The following ATP10D variants were observed in gnomAD, a reference collection of about 807,000 sequenced individuals.
The protein encoded by ATP10D is ATPase phospholipid transporting 10D (putative), also known as phospholipid-transporting ATPase VD.
Under a neutral mutation model 144.8 loss-of-function variants are expected in ATP10D, and 89 were observed. That is an observed-to-expected ratio of 0.61 (90% CI 0.52 to 0.73). The LOEUF (loss-of-function observed/expected upper bound fraction) is 0.73, where lower values mean the gene tolerates loss of function less well. Among genes scored for constraint, ATP10D ranks in the 30% least tolerant of loss-of-function variants. ATP10D has a pLI of 0.00. For synonymous variants in ATP10D, 571 were observed against 615.1 expected (o/e 0.93, Z 1.06); for missense variants, 1,603 against 1,714.8 (o/e 0.93, Z 1.15).
At chr4:47,518,905 T>C (rs1716812070) in intron 3 of ATP10D, among the ~76,000 whole-genome samples, 1 of 152,200 alleles carries the variant, frequency 6.6e-6, no homozygotes, top group Non-Finnish European at 1.5e-5. Context: ...AAGAGCTGTG[T>C]AACATTGAAC....
intron 5 of ATP10D, 120 bp downstream of exon 5, chr4:47,525,762 T>C: frequency 1.3e-6 from 1 of 755,372 alleles, no homozygotes; most frequent in Admixed American, 2.7e-5. Context: ...GTCGTAACTT[T>C]AGCCACCTAC....
chr4:47,580,678 C>A (rs1720465915), intron 20 of ATP10D, among the ~76,000 whole-genome samples, 200 bp downstream of exon 20: 1 of 152,142 alleles, frequency 6.6e-6, no homozygotes, highest in South Asian at 2.1e-4. Context: ...TTTGAGTCCT[C>A]TTAGGCCTCT....
At chr4:47,518,863 T>G (rs1282183142) in intron 3 of ATP10D, among the ~76,000 whole-genome samples, 1 of 152,212 alleles carries the variant, frequency 6.6e-6, no homozygotes, top group African/African-American at 2.4e-5. Flanking sequence ...ACTCTGGATA[T>G]ACCTGCCTTG....
At chr4:47,578,355 C>A (rs541852823) in intron 19 of ATP10D, 15 of 152,328 alleles carry the variant, frequency 9.8e-5, no homozygotes, top group African/African-American at 3.6e-4. Flanking sequence ...TCAGAAGCTT[C>A]CCTTCCACGA....
chr4:47,504,489 A>G (rs1715908536), intron 1 of ATP10D, among the ~76,000 whole-genome samples: 1 of 152,178 alleles, frequency 6.6e-6, no homozygotes, highest in South Asian at 2.1e-4. Flanking sequence ...CACAGATTGG[A>G]GCAAGACCAA....
intron 1 of ATP10D, among the ~76,000 whole-genome samples, chr4:47,509,359 A>G (rs6825605): frequency 0.37 from 55,890 of 152,060 alleles, 10,711 homozygotes; most frequent in African/African-American, 0.43. Context: ...CTTTCTGTGT[A>G]TAACATTATT....
chr4:47,583,658 C>T (rs954602398), intron 21 of ATP10D, among the ~76,000 whole-genome samples: 5 of 152,012 alleles, frequency 3.3e-5, no homozygotes, highest in African/African-American at 1.2e-4. Context: ...GAGAAAATGC[C>T]AAAGGTTCTG....
At position 47,587,346 on chromosome 4, in the gene ATP10D, T is replaced by C; in HGVS notation, c.3941+140T>C. On this transcript the variant is annotated intron_variant, in intron 22 of 22. Coordinates refer to ENST00000273859, the MANE Select transcript of ATP10D (RefSeq NM_020453.4). ...TCAATTTGTGTCCTAGTTAAAATAT[T>C]GGTTTTTAACTCTTTTATCAGAGAA... 5 of 777,488 alleles carry C rather than the reference T, an allele frequency of 6.4e-6. No individual in the cohort carries two copies. In the South Asian group the frequency reaches 7.8e-5, roughly 12 times the overall value. The allele number at this position is 777,488 out of a possible 1,614,324, so 48.2% of individuals were successfully genotyped here. A position where few individuals can be genotyped will look rare whatever the true frequency, so the allele number is the denominator to read the frequency against.
intron 10 of ATP10D, among the ~76,000 whole-genome samples, chr4:47,550,682 A>G (rs1718688681): frequency 6.6e-6 from 1 of 152,186 alleles, no homozygotes; most frequent in Non-Finnish European, 1.5e-5. Flanking sequence ...TGGGTCACGG[A>G]AGAGAACCAT....
rs80179797 is a variant in ATP10D, at chr4:47,538,956, A to T, written c.1396+2018A>T. ...GATAGTCTTCTTTCAAATTACTCGA[A>T]GTCAGCTGATTAATTACATCTGCAA... On this transcript the variant is annotated intron_variant, in intron 9 of 22. Coordinates refer to ENST00000273859, the MANE Select transcript of ATP10D (RefSeq NM_020453.4). Among the ~76,000 whole-genome samples, 12 of 152,276 alleles carry T rather than the reference A, an allele frequency of 7.9e-5. No individual in the cohort carries two copies. In the East Asian group the frequency reaches 2.3e-3, roughly 29 times the overall value.
chr4:47,554,419 A>G (rs149329202), intron 10 of ATP10D, among the ~76,000 whole-genome samples: 21 of 152,314 alleles, frequency 1.4e-4, no homozygotes, highest in African/African-American at 5.1e-4. Context: ...TACCTCTGCT[A>G]TTATGTATTT....
chr4:47,490,930 C>CTTTT, intron 1 of ATP10D: 1 of 409,356 alleles, frequency 2.4e-6, no homozygotes, highest in Admixed American at 3.8e-5. Context: ...GCAAATACAT[C>CTTTT]TTTTTTTTTT....
intron 14 of ATP10D, among the ~76,000 whole-genome samples, chr4:47,561,708 A>T (rs1369128368): frequency 2.6e-5 from 4 of 152,210 alleles, no homozygotes; most frequent in African/African-American, 9.7e-5. Flanking sequence ...AATTATCTGA[A>T]GCACTTTAAA....
At chr4:47,529,327 G>A (rs1482059569) in intron 5 of ATP10D, among the ~76,000 whole-genome samples, 6 of 152,134 alleles carry the variant, frequency 3.9e-5, no homozygotes, top group African/African-American at 1.4e-4. Flanking sequence ...GATGGTGAGA[G>A]GTAGGGATTT....
At chr4:47,535,637 C>T in intron 6 of ATP10D, 22 bp downstream of exon 6, 2 of 1,588,994 alleles carry the variant, frequency 1.3e-6, no homozygotes, top group South Asian at 1.1e-5. Context: ...TTCTAATTTT[C>T]ATTGTCTACT....
At chr4:47,575,274 C>T (rs961209851) in intron 18 of ATP10D, among the ~76,000 whole-genome samples, 1 of 152,162 alleles carries the variant, frequency 6.6e-6, no homozygotes, top group Non-Finnish European at 1.5e-5. Context: ...ACAAAACTCT[C>T]TCTAAGTCCA....
chr4:47,546,937 G>A (rs562315401), intron 10 of ATP10D, 75 bp downstream of exon 10: 22 of 1,401,598 alleles, frequency 1.6e-5, no homozygotes, highest in South Asian at 1.4e-4. Flanking sequence ...AATTATGATA[G>A]AGTCAAACTC....
At chr4:47,489,398 A>G (rs954364826) in intron 1 of ATP10D, among the ~76,000 whole-genome samples, 6 of 152,134 alleles carry the variant, frequency 3.9e-5, no homozygotes, top group African/African-American at 1.4e-4. Flanking sequence ...TGAAAAAAAA[A>G]TCAACCTATG....
chr4:47,524,083 T>G (rs920121030), intron 4 of ATP10D, among the ~76,000 whole-genome samples: 11 of 152,074 alleles, frequency 7.2e-5, no homozygotes, highest in Non-Finnish European at 2.9e-5. Flanking sequence ...CGTGCCACCA[T>G]GCCCGGCTAA....
Sources: allele counts gnomAD v4.1 joint callset (sites outside exome capture counted in the v4.1 genomes callset), GRCh38; gene constraint gnomAD v4.1.1; transcripts MANE v1.5; gene names NCBI Gene and HGNC (gene_info 2026-07-23, HGNC 2026-07-21).